CDH13: variants seen among roughly 807,000 people sequenced by gnomAD.
CDH13 encodes the protein cadherin-13.
CDH13 carries 24 observed loss-of-function variants against 63.8 expected under a neutral mutation model. That is an observed-to-expected ratio of 0.38 (90% CI 0.27 to 0.53). The LOEUF (loss-of-function observed/expected upper bound fraction) is 0.53, where lower values mean the gene tolerates loss of function less well. Among genes scored for constraint, CDH13 ranks in the 20% least tolerant of loss-of-function variants. The pLI, the probability that CDH13 is intolerant of heterozygous loss-of-function variation, is 0.85. For synonymous variants in CDH13, 503 were observed against 355.3 expected (o/e 1.42, Z -4.67); for missense variants, 1,049 against 903.1 (o/e 1.16, Z -2.07).
intron 1 of CDH13, among the ~76,000 whole-genome samples, chr16:82,733,695 G>T (rs959109146): frequency 6.6e-6 from 1 of 152,146 alleles, no homozygotes. Context: ...TCTCCAGGGG[G>T]TCTTTTAGTA....
chr16:83,512,321 A>AAAT (rs2074588544), intron 7 of CDH13, among the ~76,000 whole-genome samples: 1 of 126,854 alleles, frequency 7.9e-6, no homozygotes, highest in Admixed American at 8.4e-5. Flanking sequence ...ACTCCGTCTC[A>AAAT]AAATAAATAA....
intron 2 of CDH13, among the ~76,000 whole-genome samples, chr16:82,865,358 C>A (rs546285999): frequency 6.6e-6 from 1 of 152,208 alleles, no homozygotes; most frequent in Non-Finnish European, 1.5e-5. Flanking sequence ...GAGGGCTCTG[C>A]CTCTGCAACA....
intron 3 of CDH13, among the ~76,000 whole-genome samples, chr16:83,110,350 A>G (rs72798364): frequency 0.065 from 9,858 of 152,316 alleles, 404 homozygotes; most frequent in Non-Finnish European, 0.079. Flanking sequence ...ACCACACAAC[A>G]GCTGGTTTTG....
chr16:82,957,808 G>C (rs1013037999), intron 2 of CDH13, among the ~76,000 whole-genome samples: 14 of 152,200 alleles, frequency 9.2e-5, no homozygotes, highest in South Asian at 2.1e-4. Flanking sequence ...CTTAAGAAAT[G>C]ATCTCTAGTA....
chr16:83,109,085 G>A (rs1252002399), intron 3 of CDH13, among the ~76,000 whole-genome samples: 2 of 152,182 alleles, frequency 1.3e-5, no homozygotes, highest in African/African-American at 4.8e-5. Flanking sequence ...AGAGTATTGA[G>A]GTCCTGGTTG....
At chr16:83,681,982 CAAA>C (rs1915446491) in intron 10 of CDH13, among the ~76,000 whole-genome samples, 1 of 152,188 alleles carries the variant, frequency 6.6e-6, no homozygotes, top group Non-Finnish European at 1.5e-5. Context: ...TCCTCCTCCA[CAAA>C]ACAGGAATCA....
At chr16:82,904,755 C>G (rs2041587932) in intron 2 of CDH13, among the ~76,000 whole-genome samples, 1 of 152,136 alleles carries the variant, frequency 6.6e-6, no homozygotes, top group East Asian at 1.9e-4. Context: ...CAGTATTTAC[C>G]AGAGCCAGCC....
At chr16:82,885,833 A>G (rs562590297) in intron 2 of CDH13, among the ~76,000 whole-genome samples, 5 of 152,252 alleles carry the variant, frequency 3.3e-5, no homozygotes, top group African/African-American at 1.2e-4. Flanking sequence ...GGGGTTAATA[A>G]TAGTGCCTAC....
intron 6 of CDH13, among the ~76,000 whole-genome samples, chr16:83,476,228 T>A (rs775519583): frequency 6.6e-6 from 1 of 152,198 alleles, no homozygotes; most frequent in Non-Finnish European, 1.5e-5. Flanking sequence ...GCATCCTTGA[T>A]CTCTACCCAC....
At position 82,835,097 on chromosome 16, in the gene CDH13, C is replaced by G. The variant is rs553457223; in HGVS notation, c.46-23265C>G. Among the ~76,000 whole-genome samples the G allele has an allele frequency of 2.0e-5, 3 of 152,302 alleles. No individual in the cohort carries two copies. The South Asian group carries it at 6.2e-4, about 32-fold the overall frequency. On this transcript the variant is annotated intron_variant, in intron 1 of 13. Coordinates refer to ENST00000567109, the MANE Select transcript of CDH13 (RefSeq NM_001257.5). Reference sequence around the variant, plus strand: ...TGTGTTTTCTTTAACCCAATATATTCAAGTAGTATCCCTGCAACGTGTAGG... The same window carrying G: ...TGTGTTTTCTTTAACCCAATATATTGAAGTAGTATCCCTGCAACGTGTAGG...
intron 3 of CDH13, among the ~76,000 whole-genome samples, chr16:83,093,868 C>T (rs578164547): frequency 1.3e-5 from 2 of 152,026 alleles, no homozygotes; most frequent in African/African-American, 2.4e-5. Flanking sequence ...AAAGCACTTG[C>T]AATAGTATAT....
intron 2 of CDH13, among the ~76,000 whole-genome samples, chr16:82,881,825 C>T (rs556157622): frequency 6.6e-6 from 1 of 152,190 alleles, no homozygotes; most frequent in Admixed American, 6.5e-5. Context: ...TAGCATGTCA[C>T]CTGGTTCATG....
chr16:82,627,950 T>A (rs1316554118), intron 1 of CDH13, among the ~76,000 whole-genome samples: 1 of 152,238 alleles, frequency 6.6e-6, no homozygotes, highest in Non-Finnish European at 1.5e-5. Flanking sequence ...CCACCCGGGC[T>A]GCAGCTGCTT....
intron 2 of CDH13, among the ~76,000 whole-genome samples, chr16:82,930,384 G>A (rs2042451239): frequency 6.6e-6 from 1 of 152,118 alleles, no homozygotes; most frequent in South Asian, 2.1e-4. Flanking sequence ...TAACAGAGAT[G>A]CACCAGGTAC....
At chr16:83,173,859 C>G (rs993852818) in intron 4 of CDH13, among the ~76,000 whole-genome samples, 3 of 152,000 alleles carry the variant, frequency 2.0e-5, no homozygotes, top group African/African-American at 7.2e-5. Context: ...TTCTGCCACC[C>G]TGGGGTTCCT....
At chr16:83,066,541 A>G (rs1305959849) in intron 3 of CDH13, among the ~76,000 whole-genome samples, 1 of 152,224 alleles carries the variant, frequency 6.6e-6, no homozygotes, top group African/African-American at 2.4e-5. Flanking sequence ...ATAAAGCCTG[A>G]ATACCAATTT....
intron 5 of CDH13, among the ~76,000 whole-genome samples, chr16:83,337,156 A>G (rs1452212664): frequency 6.6e-6 from 1 of 152,204 alleles, no homozygotes; most frequent in Non-Finnish European, 1.5e-5. Context: ...AGTGTGGTGA[A>G]TTAATTGGCT....
At chr16:83,008,533 G>A (rs1255119121) in intron 2 of CDH13, among the ~76,000 whole-genome samples, 1 of 152,224 alleles carries the variant, frequency 6.6e-6, no homozygotes, top group African/African-American at 2.4e-5. Flanking sequence ...TTATGGAGAA[G>A]GCTGTAGGTT....
intron 13 of CDH13, 79 bp downstream of exon 13, chr16:83,783,551 T>C (rs1177666756): frequency 9.6e-7 from 1 of 1,038,232 alleles, no homozygotes; most frequent in Non-Finnish European, 1.5e-6. Flanking sequence ...CATTTTCCCA[T>C]ATACCTTTCC....
Sources: allele counts gnomAD v4.1 joint callset (sites outside exome capture counted in the v4.1 genomes callset), GRCh38; gene constraint gnomAD v4.1.1; transcripts MANE v1.5; gene names NCBI Gene and HGNC (gene_info 2026-07-23, HGNC 2026-07-21).